EML6: variants seen among roughly 807,000 people sequenced by gnomAD.
EML6 encodes echinoderm microtubule-associated protein-like 6.
EML6 carries 154 observed loss-of-function variants against 240.1 expected under a neutral mutation model. The observed-to-expected ratio is 0.64, with a 90% CI of 0.56 to 0.73. The LOEUF (loss-of-function observed/expected upper bound fraction) is 0.73. Ranked by LOEUF, EML6 falls within the 30% of genes least tolerant of loss-of-function variation. The probability of loss-of-function intolerance (pLI) is 0.00; values close to 1 mark genes in which losing one functional copy is unlikely to be tolerated. For missense variants in EML6, 2,964 were observed against 2,474.6 expected, an observed-to-expected ratio of 1.20 and a Z score of -4.20; for synonymous variants, 1,148 against 899.0, an observed-to-expected ratio of 1.28 and a Z score of -4.95.
In EML6 at chr2:54,863,842, C is replaced by T. The variant is rs761758610; in HGVS notation, c.1885C>T (p.Leu629=). 1.7e-5 allele frequency: 26 copies of T among 1,549,150 alleles called. No individual in the cohort carries two copies. The South Asian group carries it at 3.0e-4, about 18-fold the overall frequency. ...TTCAGATTTATCTGATGTGCCCGAA[C>T]TGGACTCTGATATTGAGCAAGAAGC... ...SDSDLSDVPE[L]DSDIEQEAQI... The change falls in exon 13 of 42, where the codon CTG becomes TTG. Residue 629 remains leucine, a synonymous_variant. Transcript: ENST00000356458.
At position 54,971,617 on chromosome 2, in the gene EML6, A is replaced by C. The variant is rs532039244; in HGVS notation, c.*1522A>C. 1.3e-4 allele frequency: 20 copies of C among 152,308 alleles called. No individual in the cohort carries two copies. Among genetic ancestry groups the C allele is most frequent in the African/African-American group, 4.6e-4 (19 of 41,558 alleles). 9.4% of individuals were successfully genotyped at this position (152,308 alleles called of 1,614,324 possible). A position where few individuals can be genotyped will look rare whatever the true frequency, so the allele number is the denominator to read the frequency against. ...ATATGCCAATTTACTAATGCCTTAC[A>C]TCAATCCACTAATAGGTTGTTGGGC... On this transcript the variant is annotated 3_prime_UTR_variant, in exon 42 of 42. Coordinates refer to ENST00000356458, the MANE Select transcript of EML6 (RefSeq NM_001039753.4).
In EML6 at chr2:54,903,150, T is replaced by C; in HGVS notation, c.3231T>C (p.Ser1077=). 6.4e-7 allele frequency: 1 copy of C among 1,552,018 alleles called. No individual in the cohort carries two copies. Among genetic ancestry groups the C allele is most frequent in the Non-Finnish European group, 8.7e-7 (1 of 1,147,014 alleles). ...CTGACACTGTTGAAGACATGGTCTCTTTCCATCACAGAAAAGAAATGATCT... is the reference window on the plus strand; with the variant it reads ...CTGACACTGTTGAAGACATGGTCTCCTTCCATCACAGAAAAGAAATGATCT... ...VNADTVEDMV[S]FHHRKEMISD... The change falls in exon 23 of 42, where the codon TCT becomes TCC. Residue 1077 remains serine (S), a synonymous_variant. Transcript: ENST00000356458.
chr2:54,746,302 C>G (rs1333792906), intron 2 of EML6, among the ~76,000 whole-genome samples: 2 of 152,112 alleles, frequency 1.3e-5, no homozygotes, highest in Non-Finnish European at 2.9e-5. Flanking sequence ...AATGAAGGTG[C>G]AGGTTGACCA....
chr2:54,791,571 G>A (rs1669454753), intron 2 of EML6, among the ~76,000 whole-genome samples: 1 of 152,196 alleles, frequency 6.6e-6, no homozygotes, highest in Non-Finnish European at 1.5e-5. Flanking sequence ...ATAATTAGAA[G>A]AAAGAATGGC....
chr2:54,906,735 C>T lies in EML6; in HGVS notation c.3409+3233C>T, dbSNP rs552577147. Among the ~76,000 whole-genome samples, 122 of 152,288 alleles carry T rather than the reference C, an allele frequency of 8.0e-4. 2 individuals are homozygous for T. Among genetic ancestry groups the T allele is most frequent in the African/African-American group, 2.9e-3 (120 of 41,558 alleles). On this transcript the variant is annotated intron_variant, in intron 24 of 41. Coordinates refer to ENST00000356458, the MANE Select transcript of EML6 (RefSeq NM_001039753.4). ...TACCTGTGAATCTTCCTTGATCTAACTCCACTAGCCATGAGACATGTGTCA... is the reference window on the plus strand; with the variant it reads ...TACCTGTGAATCTTCCTTGATCTAATTCCACTAGCCATGAGACATGTGTCA...
intron 16 of EML6, among the ~76,000 whole-genome samples, chr2:54,879,203 C>G (rs904938888): frequency 3.3e-5 from 5 of 152,224 alleles, no homozygotes; most frequent in Admixed American, 6.5e-5. Flanking sequence ...ACCTGAGAGT[C>G]TCCCTCTAGC....
chr2:54,870,292 T>G (rs1161005361), intron 15 of EML6, among the ~76,000 whole-genome samples: 1 of 149,880 alleles, frequency 6.7e-6, no homozygotes, highest in African/African-American at 2.4e-5. Context: ...AAAAGTTGTA[T>G]TTGGGGGAAA....
In EML6 at chr2:54,832,533, A is replaced by G. The variant is rs1032938528; in HGVS notation, c.847+3056A>G. Among the ~76,000 whole-genome samples, 5 of 152,224 alleles carry G rather than the reference A, an allele frequency of 3.3e-5. No individual in the cohort carries two copies. In the East Asian group the frequency reaches 9.6e-4, roughly 29 times the overall value. ...GTAGAAGACCCAACACAAGTGTAGG[A>G]ATTAAAATACATAGGATTTGAGGAG... On this transcript the variant is annotated intron_variant, in intron 7 of 41. Coordinates refer to ENST00000356458, the MANE Select transcript of EML6 (RefSeq NM_001039753.4).
chr2:54,965,929 G>T (rs898251027), intron 38 of EML6, among the ~76,000 whole-genome samples: 2 of 152,200 alleles, frequency 1.3e-5, no homozygotes, highest in African/African-American at 4.8e-5. Flanking sequence ...TACCATCTTT[G>T]TTTAAACCAT....
intron 15 of EML6, among the ~76,000 whole-genome samples, chr2:54,871,007 T>C (rs891587757): frequency 7.9e-5 from 12 of 152,218 alleles, no homozygotes; most frequent in African/African-American, 2.7e-4. Context: ...GCAAAGATAA[T>C]CCACCTTACT....
chr2:54,954,071 C>A lies in EML6; in HGVS notation c.4401C>A (p.Tyr1467Ter). The part of the protein sequence containing the change: ...LRCFHSKGVN[Y>*]INFSATGKLL... The stretch of plus-strand genomic sequence containing the variant: ...GCTTCCACTCCAAGGGGGTGAATTA[C>A]ATCAACTTCAGTGCAACTGGAAAGC... The change falls in exon 32 of 42, where the codon TAC (tyrosine) becomes TAA (stop). Residue 1467 changes from tyrosine to a stop codon, truncating the protein, a stop_gained. Coordinates refer to ENST00000356458, the MANE Select transcript of EML6 (RefSeq NM_001039753.4). LOFTEE classifies it high-confidence loss of function. 1 of 1,551,802 alleles carries A rather than the reference C, an allele frequency of 6.4e-7. No individual in the cohort carries two copies. The highest frequency in any genetic ancestry group is 1.4e-5 in the African/African-American group (1 of 73,114).
In EML6 at chr2:54,850,234, G is replaced by T. The variant is rs759743261; in HGVS notation, c.1444+16G>T. ...AGAATGCCATGTAAGTCATGTGGAG[G>T]CCTTGGATGTTTCTGGAAAGCAAAA... On this transcript the variant is annotated intron_variant, in intron 10 of 41. Transcript: ENST00000356458. 9 of 1,544,636 alleles carry T rather than the reference G, an allele frequency of 5.8e-6. 1 individual carries two copies. In the South Asian group the frequency reaches 8.4e-5, roughly 14 times the overall value.
At chr2:54,885,956 T>A (rs958084531) in intron 17 of EML6, among the ~76,000 whole-genome samples, 1 of 152,058 alleles carries the variant, frequency 6.6e-6, no homozygotes, top group Non-Finnish European at 1.5e-5. Context: ...TTCCATCTCT[T>A]CCTTGCCTCT....
intron 4 of EML6, 103 bp from the exon 5 acceptor site, chr2:54,820,291 G>T: frequency 1.5e-6 from 1 of 688,020 alleles, no homozygotes. Context: ...AGGTAACATT[G>T]TGTTCTAAAT....
At chr2:54,888,229 C>T (rs868794276) in intron 17 of EML6, among the ~76,000 whole-genome samples, 1 of 152,012 alleles carries the variant, frequency 6.6e-6, no homozygotes, top group African/African-American at 2.4e-5. Context: ...GCAGTGTGGC[C>T]GGGAGACATG....
In EML6 at chr2:54,954,087, A is replaced by T. The variant is rs980824627; in HGVS notation, c.4417A>T (p.Thr1473Ser). Reference protein sequence around the residue: ...KGVNYINFSATGKLLVSVGVD... With the variant: ...KGVNYINFSASGKLLVSVGVD... ...GGTGAATTACATCAACTTCAGTGCAACTGGAAAGCTCCTGGTGTCGGTGGG... is the reference window on the plus strand; with the variant it reads ...GGTGAATTACATCAACTTCAGTGCATCTGGAAAGCTCCTGGTGTCGGTGGG... The change falls in exon 32 of 42, where the codon ACT becomes TCT. Residue 1473 changes from threonine to serine, a missense_variant. Coordinates refer to ENST00000356458, the MANE Select transcript of EML6 (RefSeq NM_001039753.4). 1.9e-6 allele frequency: 3 copies of T among 1,550,946 alleles called. No homozygotes were observed. The African/African-American group carries it at 4.1e-5, about 21-fold the overall frequency.
intron 2 of EML6, among the ~76,000 whole-genome samples, chr2:54,750,786 G>C (rs1179590227): frequency 6.6e-6 from 1 of 152,126 alleles, no homozygotes; most frequent in Non-Finnish European, 1.5e-5. Flanking sequence ...TACAGGGAAG[G>C]ACACTCTGGC....
chr2:54,861,641 G>A (rs991559987), intron 12 of EML6, among the ~76,000 whole-genome samples: 1 of 152,082 alleles, frequency 6.6e-6, no homozygotes. Flanking sequence ...AGCTCTAGGG[G>A]CCACCAAAAC....
intron 5 of EML6, among the ~76,000 whole-genome samples, chr2:54,820,678 C>T (rs976100146): frequency 2.0e-5 from 3 of 152,052 alleles, no homozygotes; most frequent in African/African-American, 4.8e-5. Context: ...TGAAGTGCTC[C>T]GCAGGCAGCT....
Sources: gnomAD v4.1 joint callset for allele counts (sites outside exome capture counted in the v4.1 genomes callset) on GRCh38, gnomAD v4.1.1 for gene constraint, MANE v1.5 for transcripts, NCBI Gene and HGNC (gene_info 2026-07-23, HGNC 2026-07-21) for gene names.